The following RYR2 variants were observed in gnomAD, a reference collection of about 807,000 sequenced individuals.
RYR2 encodes the protein ryanodine receptor 2.
A neutral mutation model predicts 601.1 loss-of-function variants in RYR2; 227 were observed. The observed-to-expected ratio is 0.38, with a 90% CI of 0.34 to 0.42. The LOEUF (loss-of-function observed/expected upper bound fraction) is 0.42. Among genes scored for constraint, RYR2 ranks in the 10% least tolerant of loss-of-function variants. The pLI is 1.00. For synonymous variants in RYR2, 2,223 were observed against 2,175.1 expected (o/e 1.02, Z -0.61); for missense variants, 4,646 against 6,156.5 (o/e 0.75, Z 8.21).
chr1:237,680,606 G>A (rs774492522), intron 62 of RYR2, 29 bp downstream of exon 62: 13 of 1,564,980 alleles, frequency 8.3e-6, no homozygotes, highest in Middle Eastern at 1.7e-4. Flanking sequence ...AAGCACTGTT[G>A]TATGACTTAG....
At chr1:237,256,013 G>A (rs879825278) in intron 1 of RYR2, among the ~76,000 whole-genome samples, 3 of 152,048 alleles carry the variant, frequency 2.0e-5, no homozygotes, top group East Asian at 1.9e-4. Flanking sequence ...GCCTTTTGAT[G>A]TGGTTTGGCT....
intron 21 of RYR2, among the ~76,000 whole-genome samples, chr1:237,502,476 G>T (rs1044723889): frequency 2.0e-5 from 3 of 152,218 alleles, no homozygotes; most frequent in Middle Eastern, 3.4e-3. Flanking sequence ...TTTTTCTACG[G>T]GCCAGGGCTG....
At chr1:237,591,312 C>CT (rs1675178456) in intron 31 of RYR2, among the ~76,000 whole-genome samples, 1 of 151,834 alleles carries the variant, frequency 6.6e-6, no homozygotes, top group South Asian at 2.1e-4. Context: ...TAGGTGCAAT[C>CT]TATCTCAAGA....
At chr1:237,632,379 A>G (rs1361577574) in intron 42 of RYR2, among the ~76,000 whole-genome samples, 1 of 151,320 alleles carries the variant, frequency 6.6e-6, no homozygotes, top group South Asian at 2.1e-4. Context: ...GTAGAATTCT[A>G]AAGTGAATTC....
chr1:237,792,687 G>A (rs1395662012), intron 94 of RYR2, among the ~76,000 whole-genome samples: 3 of 152,100 alleles, frequency 2.0e-5, no homozygotes, highest in African/African-American at 7.2e-5. Flanking sequence ...AAGGGGCTAT[G>A]GCCATGAGCT....
chr1:237,127,479 C>G (rs1671597970), intron 1 of RYR2, among the ~76,000 whole-genome samples: 1 of 150,812 alleles, frequency 6.6e-6, no homozygotes, highest in Non-Finnish European at 1.5e-5. Context: ...CCCCCCACCT[C>G]CTTCCCGGAC....
At chr1:237,161,799 T>C (rs1676044928) in intron 1 of RYR2, among the ~76,000 whole-genome samples, 1 of 152,196 alleles carries the variant, frequency 6.6e-6, no homozygotes, top group South Asian at 2.1e-4. Context: ...AGGTCACATC[T>C]GGGTAGAAAT....
At chr1:237,528,291 ATTAG>A (rs1286006861) in intron 24 of RYR2, among the ~76,000 whole-genome samples, 4 of 152,158 alleles carry the variant, frequency 2.6e-5, no homozygotes, top group African/African-American at 9.7e-5. Flanking sequence ...TCTATTTTCT[ATTAG>A]TTACTAGTTT....
intron 1 of RYR2, among the ~76,000 whole-genome samples, chr1:237,224,774 C>A (rs1010502566): frequency 5.9e-5 from 9 of 152,230 alleles, no homozygotes; most frequent in Admixed American, 5.2e-4. Flanking sequence ...GTGGGAAGAT[C>A]ACTTGAGCCC....
At chr1:237,091,560 G>C (rs934052047) in intron 1 of RYR2, among the ~76,000 whole-genome samples, 1 of 152,106 alleles carries the variant, frequency 6.6e-6, no homozygotes, top group Non-Finnish European at 1.5e-5. Flanking sequence ...GAGTAGCTGG[G>C]ATTACAGGTG....
intron 34 of RYR2, among the ~76,000 whole-genome samples, chr1:237,598,716 T>C (rs919393189): frequency 2.0e-5 from 3 of 151,990 alleles, no homozygotes; most frequent in African/African-American, 7.2e-5. Flanking sequence ...AAGTAAAAAA[T>C]AAACCACCTA....
rs1051573864 is a variant in RYR2 at position 237,638,602 on chromosome 1, A to G, written c.6928+110A>G. On this transcript the variant is annotated intron_variant, in intron 45 of 104. Transcript: ENST00000366574. ...AAGGAAGTATTAGTAAAGAAATCAC[A>G]TATTTTATAATCGATAGGGGTTTTT... The G allele has an allele frequency of 6.0e-6, 7 of 1,176,148 alleles. No individual in the cohort carries two copies. The African/African-American group carries it at 9.3e-5, about 16-fold the overall frequency. The allele number at this position is 1,176,148 out of a possible 1,614,324, so 72.9% of individuals were successfully genotyped here.
At chr1:237,446,586 A>G (rs1708360999) in intron 14 of RYR2, among the ~76,000 whole-genome samples, 1 of 152,010 alleles carries the variant, frequency 6.6e-6, no homozygotes, top group Non-Finnish European at 1.5e-5. Context: ...AATCTCCCCT[A>G]CTCAAGATTA....
At chr1:237,667,471 C>A (rs1684429016) in intron 57 of RYR2, among the ~76,000 whole-genome samples, 1 of 152,136 alleles carries the variant, frequency 6.6e-6, no homozygotes, top group East Asian at 1.9e-4. Flanking sequence ...CTAGTTTGGA[C>A]AGAGATTGAT....
In RYR2 at chr1:237,481,809, CA is replaced by C. The variant is rs553197529; in HGVS notation, c.1709-9971del. Among the ~76,000 whole-genome samples the C allele has an allele frequency of 7.8e-3, 366 of 46,886 alleles. 3 individuals carry two copies. Among genetic ancestry groups the C allele is most frequent in the African/African-American group, 0.02 (281 of 13,774 alleles). The allele number at this position is 46,886 out of a possible 152,430, so 30.8% of individuals were successfully genotyped here. ...TTACAGCCTCACCATTGCTGTGTAGCAAAAAAAAAAAAAAAAAAAAAAAAAA... is the reference window on the plus strand; with the variant it reads ...TTACAGCCTCACCATTGCTGTGTAGCAAAAAAAAAAAAAAAAAAAAAAAAA... On this transcript the variant is annotated intron_variant, in intron 17 of 104. Transcript: ENST00000366574.
At chr1:237,442,766 C>T (rs1708022800) in intron 13 of RYR2, among the ~76,000 whole-genome samples, 1 of 152,070 alleles carries the variant, frequency 6.6e-6, no homozygotes, top group Admixed American at 6.6e-5. Context: ...TCCCCATTGC[C>T]TATGCTCTTG....
At chr1:237,422,126 G>A (rs978506836) in intron 11 of RYR2, among the ~76,000 whole-genome samples, 7 of 152,154 alleles carry the variant, frequency 4.6e-5, no homozygotes, top group African/African-American at 7.2e-5. Flanking sequence ...CTGCACCTTA[G>A]CATGGTTAAA....
At chr1:237,502,896 A>G (rs980515348) in intron 21 of RYR2, among the ~76,000 whole-genome samples, 1 of 151,692 alleles carries the variant, frequency 6.6e-6, no homozygotes, top group African/African-American at 2.4e-5. Context: ...AAATCCTGTA[A>G]TTTTAAGCAT....
chr1:237,679,107 A>G (rs1273302806), intron 61 of RYR2, among the ~76,000 whole-genome samples: 5 of 152,130 alleles, frequency 3.3e-5, no homozygotes, highest in African/African-American at 1.2e-4. Flanking sequence ...TGGGGTGCAC[A>G]TAGTTAGCGA....
Sources: allele counts gnomAD v4.1 joint callset (sites outside exome capture counted in the v4.1 genomes callset), GRCh38; gene constraint gnomAD v4.1.1; transcripts MANE v1.5; gene names NCBI Gene and HGNC (gene_info 2026-07-23, HGNC 2026-07-21).